Variants in FAM110B observed in about 807,000 individuals in gnomAD.
FAM110B encodes the protein protein FAM110B.
FAM110B carries 6 observed loss-of-function variants against 20.4 expected under a neutral mutation model. That is an observed-to-expected ratio of 0.29 (90% CI 0.16 to 0.58). The LOEUF (loss-of-function observed/expected upper bound fraction) is 0.58. Ranked by LOEUF, FAM110B falls within the 20% of genes least tolerant of loss-of-function variation. FAM110B has a pLI of 0.90. For synonymous variants in FAM110B, 226 were observed against 214.1 expected (o/e 1.06, Z -0.49); for missense variants, 434 against 498.2 (o/e 0.87, Z 1.23).
chr8:58,090,745 C>T (rs968095813), intron 3 of FAM110B, among the ~76,000 whole-genome samples: 2 of 152,102 alleles, frequency 1.3e-5, no homozygotes, highest in Non-Finnish European at 2.9e-5. Flanking sequence ...TTCCTTTAAG[C>T]ATCTCAGTGG....
At chr8:58,001,553 G>A (rs1262561537) in intron 1 of FAM110B, among the ~76,000 whole-genome samples, 3 of 152,024 alleles carry the variant, frequency 2.0e-5, no homozygotes, top group African/African-American at 4.8e-5. Context: ...ATTCACTAGC[G>A]TTACAAGATC....
chr8:58,062,181 A>C (rs896243845), intron 2 of FAM110B, among the ~76,000 whole-genome samples: 63 of 152,358 alleles, frequency 4.1e-4, no homozygotes, highest in African/African-American at 1.4e-3. Context: ...CTATAAAAGA[A>C]GACCATGGAA....
At position 58,146,920 on chromosome 8, in the gene FAM110B, C is replaced by G. The variant is rs2150647583; in HGVS notation, c.690C>G (p.Ile230Met). 1.2e-6 allele frequency: 2 copies of G among 1,614,208 alleles called. No individual in the cohort carries two copies. Among genetic ancestry groups the G allele is most frequent in the East Asian group, 2.2e-5 (1 of 44,878 alleles). ...SAPPLPPKPK[I>M]AAIASMKSPE... ...CTCCCCTGCCTCCCAAGCCCAAAAT[C>G]GCAGCCATCGCCTCCATGAAGTCCC... The change falls in exon 4 of 4, where the codon ATC (isoleucine) becomes ATG (methionine). Residue 230 changes from isoleucine (I) to methionine (M), a missense_variant. Ile to Met is a conservative substitution (Grantham distance 10). Around this residue, in one of 3 missense-constraint regions of FAM110B, gnomAD observed 284 missense variants for 278.3 expected, o/e 1.02. Coordinates refer to ENST00000519262, the MANE Select transcript of FAM110B (RefSeq NM_001377989.1).
intron 3 of FAM110B, among the ~76,000 whole-genome samples, chr8:58,106,560 G>T (rs996039226): frequency 6.6e-6 from 1 of 152,300 alleles, no homozygotes; most frequent in East Asian, 1.9e-4. Flanking sequence ...ACTCTGGATA[G>T]GCCAACAGGA....
At chr8:58,006,923 A>ATATATATATATATATATATT in intron 1 of FAM110B, among the ~76,000 whole-genome samples, 30 of 126,526 alleles carry the variant, frequency 2.4e-4, no homozygotes, top group African/African-American at 7.9e-4. Flanking sequence ...ATATATATAT[A>ATATATATATATATATATATT]TTTTTCCAAA....
chr8:58,098,820 G>T, intron 3 of FAM110B: 1 of 152,356 alleles, frequency 6.6e-6, no homozygotes. Context: ...ATGAGGCGAC[G>T]CCCAACCCTG....
chr8:58,039,324 G>A (rs1317405757), intron 2 of FAM110B, among the ~76,000 whole-genome samples: 1 of 152,208 alleles, frequency 6.6e-6, no homozygotes. Context: ...TGCCTGTAAT[G>A]TGTCCAGTCC....
At chr8:58,027,078 C>CACGATTCCAAATGTGGA (rs1804868465) in intron 1 of FAM110B, among the ~76,000 whole-genome samples, 1 of 152,162 alleles carries the variant, frequency 6.6e-6, no homozygotes, top group African/African-American at 2.4e-5. Context: ...TAGGCTACAT[C>CACGATTCCAAATGTGGA]TTCCCTCTCC....
At chr8:58,127,423 C>G (rs1304607945) in intron 3 of FAM110B, among the ~76,000 whole-genome samples, 1 of 152,222 alleles carries the variant, frequency 6.6e-6, no homozygotes, top group Non-Finnish European at 1.5e-5. Context: ...CTTGCATAAG[C>G]TCGCAAATAA....
At chr8:58,075,275 T>TGTGTGTGTGTG (rs1554521069) in intron 2 of FAM110B, among the ~76,000 whole-genome samples, 3 of 141,670 alleles carry the variant, frequency 2.1e-5, no homozygotes, top group African/African-American at 8.6e-5. Context: ...TTTTTTTTTT[T>TGTGTGTGTGTG]TGTGTGTGTG....
rs371693327 is a variant in FAM110B at position 58,018,183 on chromosome 8, C to T, written c.-511-13423C>T. The stretch of plus-strand genomic sequence containing the variant: ...TGCCTGTTCTATCAATTATTGAGTG[C>T]AGAGTGCTAAAAATCTTCACCTGTG... On this transcript the variant is annotated intron_variant, in intron 1 of 3. Coordinates refer to ENST00000519262, the MANE Select transcript of FAM110B (RefSeq NM_001377989.1). 9.9e-5 allele frequency among the ~76,000 whole-genome samples: 15 copies of T among 152,202 alleles called. No individual in the cohort carries two copies. The East Asian group carries it at 1.5e-3, about 16-fold the overall frequency.
intron 2 of FAM110B, among the ~76,000 whole-genome samples, chr8:58,065,894 G>C (rs1805750165): frequency 6.6e-6 from 1 of 152,250 alleles, no homozygotes; most frequent in East Asian, 1.9e-4. Context: ...TGTTGAATCT[G>C]TCTCCTTCCC....
At chr8:58,109,417 G>C (rs1048196345) in intron 3 of FAM110B, among the ~76,000 whole-genome samples, 13 of 152,122 alleles carry the variant, frequency 8.5e-5, no homozygotes, top group African/African-American at 3.1e-4. Flanking sequence ...AACTCATAAA[G>C]ACCCCAGGGC....
Position 58,148,462 on chromosome 8 carries a change from A to C in FAM110B, c.*1119A>C, listed in dbSNP as rs529721286. ...TAGGAAACTGTAGAAATACAATGCT[A>C]TGTAGCTTTTCCACCCCATGGTCTC... is the stretch of plus-strand genomic sequence containing the variant. On this transcript the variant is annotated 3_prime_UTR_variant, in exon 4 of 4. Transcript: ENST00000519262. 2 of 167,188 alleles carry C rather than the reference A, an allele frequency of 1.2e-5. No homozygotes were observed. Among genetic ancestry groups the C allele is most frequent in the South Asian group, 4.1e-4 (2 of 4,832 alleles). 10.4% of individuals were successfully genotyped at this position (167,188 alleles called of 1,614,324 possible).
At chr8:58,006,316 G>A (rs1178255235) in intron 1 of FAM110B, among the ~76,000 whole-genome samples, 2 of 152,152 alleles carry the variant, frequency 1.3e-5, no homozygotes, top group African/African-American at 2.4e-5. Context: ...ACTTTCCAAC[G>A]GCTCTTCATC....
At chr8:58,057,304 G>C (rs971180300) in intron 2 of FAM110B, among the ~76,000 whole-genome samples, 1 of 152,168 alleles carries the variant, frequency 6.6e-6, no homozygotes, top group Non-Finnish European at 1.5e-5. Flanking sequence ...AAAGTGCTGG[G>C]CTTGTTGATA....
chr8:58,035,328 C>T (rs1585829499), intron 2 of FAM110B, among the ~76,000 whole-genome samples: 1 of 152,144 alleles, frequency 6.6e-6, no homozygotes, highest in African/African-American at 2.4e-5. Context: ...CATCTCATAC[C>T]TAAATTAAAT....
intron 3 of FAM110B, among the ~76,000 whole-genome samples, chr8:58,082,006 C>G (rs1806205053): frequency 6.6e-6 from 1 of 152,092 alleles, no homozygotes. Context: ...ATCAAAGAAC[C>G]TAGGCTCTTA....
intron 2 of FAM110B, among the ~76,000 whole-genome samples, chr8:58,047,479 C>T (rs149766012): frequency 1.4e-3 from 216 of 152,228 alleles, no homozygotes; most frequent in African/African-American, 4.6e-3. Flanking sequence ...GGCACCATCA[C>T]AGTCTCCAAC....
Sources: gnomAD v4.1 joint callset for allele counts (sites outside exome capture counted in the v4.1 genomes callset) on GRCh38, gnomAD v4.1.1 for gene constraint, gnomAD v4.1.1 regional missense constraint, MANE v1.5 for transcripts, NCBI Gene and HGNC (gene_info 2026-07-23, HGNC 2026-07-21) for gene names.